The following PSD2 variants were observed in gnomAD, a reference collection of about 807,000 sequenced individuals.
PSD2 encodes PH and SEC7 domain-containing protein 2.
A neutral mutation model predicts 69.8 loss-of-function variants in PSD2; 38 were observed. The ratio of observed to expected loss-of-function variants is 0.54; its 90% CI spans 0.42 to 0.71. The LOEUF is 0.71. PSD2 is among the 30% of genes least tolerant of loss of function. The probability of loss-of-function intolerance (pLI) is 0.00; values close to 1 mark genes in which losing one functional copy is unlikely to be tolerated. For synonymous variants in PSD2, 412 were observed against 423.0 expected, an observed-to-expected ratio of 0.97 and a Z score of 0.32; for missense variants, 943 against 1,014.5, an observed-to-expected ratio of 0.93 and a Z score of 0.96.
At chr5:139,830,059 T>G (rs938223542) in intron 7 of PSD2, among the ~76,000 whole-genome samples, 9 of 151,314 alleles carry the variant, frequency 5.9e-5, no homozygotes, top group African/African-American at 1.7e-4. Context: ...ATCTGGTATG[T>G]GTGATCTGTA....
intron 7 of PSD2, 36 bp downstream of exon 7, chr5:139,822,820 C>T: frequency 6.4e-7 from 1 of 1,572,008 alleles, no homozygotes; most frequent in Non-Finnish European, 8.7e-7. Context: ...GTCGCATGTC[C>T]TCTCAGGGAC....
At chr5:139,832,799 C>T (rs1185272371) in intron 7 of PSD2, among the ~76,000 whole-genome samples, 1 of 152,208 alleles carries the variant, frequency 6.6e-6, no homozygotes, top group Non-Finnish European at 1.5e-5. Flanking sequence ...TCAATGTTTT[C>T]TCAAACGTGG....
the PSD2 span, among the ~76,000 whole-genome samples, chr5:139,789,346 C>A: frequency 6.6e-6 from 1 of 152,324 alleles, no homozygotes; most frequent in East Asian, 1.9e-4. Flanking sequence ...CTGGGGGCAC[C>A]TCCTCAGAGA....
chr5:139,774,694 G>A, the PSD2 span, among the ~76,000 whole-genome samples: 1,820 of 152,224 alleles, frequency 0.012, 38 homozygotes, highest in African/African-American at 0.041. Context: ...GTTTCACCAT[G>A]TTGGTCAGGC....
intron 1 of PSD2, among the ~76,000 whole-genome samples, chr5:139,796,715 T>TC (rs1301106674): frequency 1.3e-5 from 2 of 152,154 alleles, no homozygotes; most frequent in Non-Finnish European, 2.9e-5. Flanking sequence ...ATGCAGGGAC[T>TC]CCCCGGAATG....
In PSD2 at chr5:139,814,027, ATTCCCTCCGG is replaced by A; in HGVS notation, c.822-142_822-133del. 1.2e-6 allele frequency: 1 copy of A among 816,030 alleles called. No individual in the cohort carries two copies. Among genetic ancestry groups the A allele is most frequent in the East Asian group, 2.5e-5 (1 of 39,794 alleles). The allele number at this position is 816,030 out of a possible 1,614,324, so 50.5% of individuals were successfully genotyped here. A position where few individuals can be genotyped will look rare whatever the true frequency, so the allele number is the denominator to read the frequency against. On this transcript the variant is annotated intron_variant, in intron 3 of 14. Transcript: ENST00000274710. The surrounding 1 kb of genome is among the most constrained non-coding windows in gnomAD (Gnocchi z 4.4). ...GAGGTTCTTCTGAAAGTCTGATTTC[ATTCCCTCCGG>A]CTGCAGTGGAGCTTCTTTCCCTGTT... is the stretch of plus-strand genomic sequence containing the variant.
intron 5 of PSD2, among the ~76,000 whole-genome samples, chr5:139,821,435 G>A (rs774012056): frequency 9.2e-5 from 14 of 152,172 alleles, no homozygotes; most frequent in East Asian, 1.9e-4. Context: ...ACTTGGGGTA[G>A]GGGAGGAGTT....
the PSD2 span, among the ~76,000 whole-genome samples, chr5:139,747,961 T>C: frequency 6.6e-6 from 1 of 152,244 alleles, no homozygotes; most frequent in Admixed American, 6.5e-5. The surrounding 1 kb of genome is among the most constrained non-coding windows in gnomAD (Gnocchi z 6.7). Flanking sequence ...TCCCATCACT[T>C]TGAGCAGCCA....
intron 1 of PSD2, among the ~76,000 whole-genome samples, chr5:139,807,975 C>T (rs147909952): frequency 3.3e-5 from 5 of 152,180 alleles, no homozygotes; most frequent in African/African-American, 1.2e-4. Flanking sequence ...GTGTTTATGA[C>T]CAGGCAAGTA....
chr5:139,759,980 A>G, the PSD2 span, among the ~76,000 whole-genome samples: 1 of 152,214 alleles, frequency 6.6e-6, no homozygotes, highest in Admixed American at 6.5e-5. Flanking sequence ...CCAAGGTCAC[A>G]TGGCAAGTTT....
intron 5 of PSD2, among the ~76,000 whole-genome samples, chr5:139,819,637 C>T (rs145903485): frequency 0.01 from 1,572 of 152,280 alleles, 13 homozygotes; most frequent in Admixed American, 0.022. Flanking sequence ...ACTACCTTCC[C>T]GCAGTTCTCT....
chr5:139,809,725 G>A lies in PSD2; in HGVS notation c.285G>A (p.Glu95=), dbSNP rs759156447. ...TGAACATTCTGGAAGATTCAGCGGA[G>A]TCCAGGCCCTGGAGGGCTGGCGTGC... ...PDLNILEDSA[E]SRPWRAGVLA... Residue 95 remains glutamate, a synonymous_variant, in exon 2 of 15, where the codon GAG becomes GAA. Transcript: ENST00000274710. 1.2e-6 allele frequency: 2 copies of A among 1,614,244 alleles called. No individual in the cohort carries two copies. The highest frequency in any genetic ancestry group is 1.7e-5 in the Admixed American group (1 of 60,028).
chr5:139,796,737 C>CA (rs35934662), intron 1 of PSD2, among the ~76,000 whole-genome samples: 2 of 152,158 alleles, frequency 1.3e-5, no homozygotes, highest in South Asian at 4.1e-4. Flanking sequence ...TCACTGGGGG[C>CA]ATTGTTTTTG....
At chr5:139,753,826 TTTTG>T in the PSD2 span, among the ~76,000 whole-genome samples, 2 of 151,252 alleles carry the variant, frequency 1.3e-5, no homozygotes, top group Non-Finnish European at 2.9e-5. Context: ...TTGTTTTTTT[TTTTG>T]TTTGTTTGTT....
the PSD2 span, chr5:139,772,885 T>A: frequency 6.6e-6 from 1 of 152,236 alleles, no homozygotes; most frequent in Non-Finnish European, 1.5e-5. Context: ...GCACCTTGTC[T>A]GTCTTGGTCC....
intron 7 of PSD2, among the ~76,000 whole-genome samples, chr5:139,830,565 CCTTTCTTTCTTTCTTTCTTTCTTTCTT>C (rs1760554968): frequency 2.5e-5 from 3 of 120,362 alleles, no homozygotes; most frequent in African/African-American, 1.1e-4. Flanking sequence ...TTCCTTCCTT[CCTTTCTTTCTTTCTTTCTTTCTTTCTT>C]TTTCTTTCTT....
the PSD2 span, among the ~76,000 whole-genome samples, chr5:139,766,915 TCCTTCCTTCCTTCCCTTCTTTC>T: frequency 7.6e-4 from 19 of 25,132 alleles, 1 homozygote; most frequent in Middle Eastern, 0.017. Context: ...CTCCCTTCCT[TCCTTCCTTCCTTCCCTTCTTTC>T]TTTCTTTCTT....
At chr5:139,813,277 C>A (rs959128901) in intron 2 of PSD2, 32 bp from the exon 3 acceptor site, 6 of 1,505,882 alleles carry the variant, frequency 4.0e-6, no homozygotes, top group Non-Finnish European at 3.6e-6. Flanking sequence ...GACAGCTTGG[C>A]AGGATGGTGA....
intron 7 of PSD2, among the ~76,000 whole-genome samples, chr5:139,830,227 TTTG>T (rs1462889967): frequency 2.6e-5 from 4 of 152,126 alleles, no homozygotes; most frequent in Non-Finnish European, 4.4e-5. Context: ...TTGTTTGTCT[TTTG>T]TTGTTGTATT....
Sources: allele counts gnomAD v4.1 joint callset (sites outside exome capture counted in the v4.1 genomes callset), GRCh38; gene constraint gnomAD v4.1.1; non-coding constraint Gnocchi (gnomAD v3.1); transcripts MANE v1.5; gene names NCBI Gene and HGNC (gene_info 2026-07-23, HGNC 2026-07-21).